The following GPSM1 variants were observed in gnomAD, a reference collection of about 807,000 sequenced individuals.
The protein encoded by GPSM1 is G protein-signaling modulator 1.
In GPSM1, 48 loss-of-function variants were observed where a neutral mutation model predicts 70.5. That is an observed-to-expected ratio of 0.68 (90% CI 0.54 to 0.87). The LOEUF is 0.87. Among genes scored for constraint, GPSM1 ranks in the 40% least tolerant of loss-of-function variants. The pLI is 0.00. For synonymous variants in GPSM1, 416 were observed against 430.1 expected, an observed-to-expected ratio of 0.97 and a Z score of 0.41; for missense variants, 981 against 972.6, an observed-to-expected ratio of 1.01 and a Z score of -0.11.
In GPSM1 at chr9:136,334,653, A is replaced by T; in HGVS notation, c.275A>T (p.Asp92Val). 6.2e-7 allele frequency: 1 copy of T among 1,611,026 alleles called. No homozygotes were observed. Among genetic ancestry groups the T allele is most frequent in the African/African-American group, 1.3e-5 (1 of 74,844 alleles). The change falls in exon 2 of 14, where the codon GAC (aspartate) becomes GTC (valine). Residue 92 changes from aspartate (D) to valine (V), a missense_variant. Physicochemically the swap from Asp to Val is radical, Grantham distance 152. Transcript: ENST00000440944. The stretch of plus-strand genomic sequence containing the variant: ...CGGGCGCTGGAATACCACAAGCATG[A>T]CCTCCTGCTGGCGCGGTGAGTGGGG... ...HGRALEYHKH[D>V]LLLARTIGDR...
chr9:136,333,931 G>T (rs1190988529), intron 1 of GPSM1, among the ~76,000 whole-genome samples: 2 of 152,064 alleles, frequency 1.3e-5, no homozygotes, highest in Non-Finnish European at 2.9e-5. Context: ...GAGGAGCCGA[G>T]ATCAGATCCC....
intron 5 of GPSM1, 64 bp from the exon 6 acceptor site, chr9:136,337,780 CCT>C (rs1832280997): frequency 6.2e-6 from 8 of 1,293,966 alleles, no homozygotes; most frequent in Non-Finnish European, 8.9e-6. Flanking sequence ...GGAGGCAGCC[CCT>C]GTCCGCCCAC....
At chr9:136,334,265 C>T (rs2131394445) in intron 1 of GPSM1, among the ~76,000 whole-genome samples, 182 bp from the exon 2 acceptor site, 1 of 152,360 alleles carries the variant, frequency 6.6e-6, no homozygotes, top group Middle Eastern at 3.4e-3. Context: ...GGCTGGGGCG[C>T]CCTTGGGCCG....
At chr9:136,338,928 T>C (rs1194062135) in intron 7 of GPSM1, among the ~76,000 whole-genome samples, 1 of 152,066 alleles carries the variant, frequency 6.6e-6, no homozygotes, top group East Asian at 1.9e-4. Flanking sequence ...CTCCCATCCC[T>C]CAATTCGCCA....
At position 136,340,625 on chromosome 9, in the gene GPSM1, C is replaced by T. The variant is rs1374874219; in HGVS notation, c.1084-245C>T. Among the ~76,000 whole-genome samples the T allele has an allele frequency of 2.6e-5, 4 of 152,072 alleles. No individual in the cohort carries two copies. Among genetic ancestry groups the T allele is most frequent in the East Asian group, 3.9e-4 (2 of 5,172 alleles). The stretch of plus-strand genomic sequence containing the variant: ...AGGCCCAACCGCCTGGGACCCCAAG[C>T]ATCTCTGGGGTGAACTAGGGGCTGT... On this transcript the variant is annotated intron_variant, in intron 8 of 13. Transcript: ENST00000440944. This position sits in a 1 kb window ranked among gnomAD's most constrained non-coding sequence, Gnocchi z 7.3.
chr9:136,351,425 G>C (rs1427900138), intron 11 of GPSM1, among the ~76,000 whole-genome samples: 4 of 152,178 alleles, frequency 2.6e-5, no homozygotes, highest in African/African-American at 9.6e-5. Flanking sequence ...GGTCTGCCCT[G>C]TCCACAGCTG....
chr9:136,344,525 C>T (rs1832474862), intron 9 of GPSM1, among the ~76,000 whole-genome samples: 1 of 152,180 alleles, frequency 6.6e-6, no homozygotes, highest in Non-Finnish European at 1.5e-5. Context: ...AGCTTGAGAA[C>T]ACTGGTGGCT....
Position 136,342,769 on chromosome 9 carries a change from G to A in GPSM1, c.1207+1776G>A, listed in dbSNP as rs1318351210. ...GGATCTGCGAGCTGCGGGAGGGGAG[G>A]GGGGTGCAGAGCCGCGCTAGAGCCT... On this transcript the variant is annotated intron_variant, in intron 9 of 13. Transcript: ENST00000440944. This position sits in a 1 kb window ranked among gnomAD's most constrained non-coding sequence, Gnocchi z 5.5. Among the ~76,000 whole-genome samples, 1 of 152,006 alleles carries A rather than the reference G, an allele frequency of 6.6e-6. No individual in the cohort carries two copies. Among genetic ancestry groups the A allele is most frequent in the South Asian group, 2.1e-4 (1 of 4,824 alleles).
rs782712753 is a variant in GPSM1 at position 136,349,751 on chromosome 9, C to G, written c.1443C>G (p.His481Gln). 1.3e-6 allele frequency: 2 copies of G among 1,580,742 alleles called. No individual in the cohort carries two copies. The highest frequency in any genetic ancestry group is 1.7e-6 in the Non-Finnish European group (2 of 1,165,184). The change falls in exon 11 of 14, where the codon CAC becomes CAG. Residue 481 changes from histidine to glutamine, a missense_variant. Physicochemically the swap from His to Gln is conservative, Grantham distance 24 (BLOSUM62 0). Coordinates refer to ENST00000440944, the MANE Select transcript of GPSM1 (RefSeq NM_001145638.3). Reference sequence around the variant, plus strand: ...TGGACAGCGCCGACGTCCGGGTGCACGTGCCACGCACGGTAGGCGTCTTTG... The same window carrying G: ...TGGACAGCGCCGACGTCCGGGTGCAGGTGCCACGCACGGTAGGCGTCTTTG... ...SPLDSADVRV[H>Q]VPRTSIPRAP...
chr9:136,358,105 A>G lies in GPSM1; in HGVS notation c.1913A>G (p.Gln638Arg), dbSNP rs1554773549. ...GACGAGGACTTCTTCAGCCTCATTC[A>G]GAGGGTGCAGGCTAAGCGCATGGAC... is the stretch of plus-strand genomic sequence containing the variant. ...MPDEDFFSLI[Q>R]RVQAKRMDEQ... Residue 638 changes from glutamine (Q) to arginine (R), a missense_variant, in exon 14 of 14, where the codon CAG (glutamine) becomes CGG (arginine). By Grantham distance (43) the Gln-to-Arg change is conservative. Coordinates refer to ENST00000440944, the MANE Select transcript of GPSM1 (RefSeq NM_001145638.3). 4.3e-6 allele frequency: 7 copies of G among 1,612,580 alleles called. No homozygotes were observed. The highest frequency in any genetic ancestry group is 5.9e-6 in the Non-Finnish European group (7 of 1,179,734).
chr9:136,354,966 G>T, intron 11 of GPSM1: 1 of 1,049,260 alleles, frequency 9.5e-7, no homozygotes, highest in Non-Finnish European at 1.2e-6. Context: ...CAGAGGCCTG[G>T]ACTGGGGTAG....
chr9:136,337,171 G>T, intron 4 of GPSM1, 99 bp downstream of exon 4: 19 of 1,187,146 alleles, frequency 1.6e-5, no homozygotes, highest in Non-Finnish European at 2.1e-5. Context: ...CATACCTCCC[G>T]ACAGCTCCCA....
Position 136,358,657 on chromosome 9 carries a change from G to T in GPSM1, c.*437G>T. 4.2e-6 allele frequency: 1 copy of T among 239,580 alleles called. No individual in the cohort carries two copies. The allele number at this position is 239,580 out of a possible 1,614,324, so 14.8% of individuals were successfully genotyped here. ...GTTCTGTCCCCCCAGAGCTGGTCTT[G>T]GGATGGCCGTGTGACAGGCATGCTC... is the stretch of plus-strand genomic sequence containing the variant. On this transcript the variant is annotated 3_prime_UTR_variant, in exon 14 of 14. Transcript: ENST00000440944.
intron 9 of GPSM1, among the ~76,000 whole-genome samples, chr9:136,344,200 G>A (rs1452555681): frequency 2.1e-5 from 3 of 142,526 alleles, no homozygotes; most frequent in South Asian, 2.3e-4. Context: ...GGGGAGGCGC[G>A]GACAGGAGCG....
At chr9:136,335,477 G>C (rs1425942402) in intron 2 of GPSM1, among the ~76,000 whole-genome samples, 4 of 152,164 alleles carry the variant, frequency 2.6e-5, no homozygotes, top group African/African-American at 4.8e-5. Flanking sequence ...CTCTCAGCAG[G>C]GCAGAGCTTC....
Position 136,341,330 on chromosome 9 carries a change from G to A in GPSM1, c.1207+337G>A, listed in dbSNP as rs1832386073. On this transcript the variant is annotated intron_variant, in intron 9 of 13. Transcript: ENST00000440944. The surrounding 1 kb of genome is among the most constrained non-coding windows in gnomAD (Gnocchi z 6.7). ...GGCTTCTGTCCTCAGACCCAAGTAG[G>A]AGAGGGCTGCTGGGAGGCGAGAGGG... 4 of 1,439,462 alleles carry A rather than the reference G, an allele frequency of 2.8e-6. No homozygotes were observed. Among genetic ancestry groups the A allele is most frequent in the Non-Finnish European group, 3.6e-6 (4 of 1,101,364 alleles). 89.2% of individuals were successfully genotyped at this position (1,439,462 alleles called of 1,614,324 possible).
At chr9:136,356,594 C>T (rs1418474064) in intron 13 of GPSM1, 44 bp downstream of exon 13, 2 of 1,471,320 alleles carry the variant, frequency 1.4e-6, no homozygotes, top group Non-Finnish European at 1.9e-6. Context: ...GCCCCTTTGC[C>T]ATCCACGTGT....
chr9:136,356,285 G>A lies in GPSM1; in HGVS notation c.1613-57G>A, dbSNP rs1382310134. On this transcript the variant is annotated intron_variant, in intron 12 of 13. Transcript: ENST00000440944. ...TCAGAGCTCACTGTGGCCGCAGCCC[G>A]AGCCTCGGGCTTGACCCCGCACTGG... 2.0e-5 allele frequency: 27 copies of A among 1,325,034 alleles called. 1 individual carries two copies. The Middle Eastern group carries it at 8.8e-4, about 43-fold the overall frequency. 82.1% of individuals were successfully genotyped at this position (1,325,034 alleles called of 1,614,324 possible).
In GPSM1 at chr9:136,334,692, C is replaced by T. The variant is rs201960516; in HGVS notation, c.290+24C>T. 7.5e-5 allele frequency: 117 copies of T among 1,567,840 alleles called. No individual in the cohort carries two copies. In the African/African-American group the frequency reaches 1.0e-3, roughly 14 times the overall value. The stretch of plus-strand genomic sequence containing the variant: ...CGGTGAGTGGGGACGGTCCTGCTGG[C>T]GGGTGAGTGGGGCGGCCCTGCTGGC... On this transcript the variant is annotated intron_variant, in intron 2 of 13. Transcript: ENST00000440944.
Sources: gnomAD v4.1 joint callset for allele counts (sites outside exome capture counted in the v4.1 genomes callset) on GRCh38, gnomAD v4.1.1 for gene constraint, Gnocchi (gnomAD v3.1) non-coding constraint, MANE v1.5 for transcripts, NCBI Gene and HGNC (gene_info 2026-07-23, HGNC 2026-07-21) for gene names.